Variants in BBS4 observed in about 807,000 individuals in gnomAD.
BBS4 encodes BBSome complex member BBS4.
Under a neutral mutation model 71.4 loss-of-function variants are expected in BBS4, and 58 were observed. The ratio of observed to expected loss-of-function variants is 0.81; its 90% confidence interval spans 0.66 to 1.01. The LOEUF is 1.01. Among genes scored for constraint, BBS4 ranks in the 50% least tolerant of loss-of-function variants. The probability of loss-of-function intolerance (pLI) is 0.00; values close to 1 mark genes in which losing one functional copy is unlikely to be tolerated. For missense variants in BBS4, 660 were observed against 607.9 expected (o/e 1.09, Z -0.90); for synonymous variants, 228 against 216.8 (o/e 1.05, Z -0.46).
Position 72,695,175 on chromosome 15 carries a change from A to G in BBS4, c.25-2A>G. 1 of 1,604,726 alleles carries G rather than the reference A, an allele frequency of 6.2e-7. No homozygotes were observed. The highest frequency in any genetic ancestry group is 8.5e-7 in the Non-Finnish European group (1 of 1,172,042). On this transcript the variant is annotated splice_acceptor_variant, in intron 1 of 15. Coordinates refer to ENST00000268057, the MANE Select transcript of BBS4 (RefSeq NM_033028.5). LOFTEE classifies it high-confidence loss of function. ...CAATATAGACTACTTATTTCATTTCAGAGAACTCAATTTCCTGTATCTACT... is the reference window on the plus strand; with the variant it reads ...CAATATAGACTACTTATTTCATTTCGGAGAACTCAATTTCCTGTATCTACT...
rs1180632451 is a variant in BBS4 at position 72,735,099 on chromosome 15, T to C, written c.1037-14T>C. On this transcript the variant is annotated splice_polypyrimidine_tract_variant and intron_variant, in intron 12 of 15. Coordinates refer to ENST00000268057, the MANE Select transcript of BBS4 (RefSeq NM_033028.5). Reference sequence around the variant, plus strand: ...AAGCTGAGCTCTCCAGCTGCAGTGCTTTCTTTGTTGCAGTGGCTCTGACCA... The same window carrying C: ...AAGCTGAGCTCTCCAGCTGCAGTGCCTTCTTTGTTGCAGTGGCTCTGACCA... 1 of 1,609,290 alleles carries C rather than the reference T, an allele frequency of 6.2e-7. No homozygotes were observed. Among genetic ancestry groups the C allele is most frequent in the Non-Finnish European group, 8.5e-7 (1 of 1,175,678 alleles).
intron 6 of BBS4, 107 bp downstream of exon 6, chr15:72,716,957 T>C: frequency 1.2e-6 from 1 of 821,740 alleles, no homozygotes; most frequent in Non-Finnish European, 2.0e-6. Context: ...AATGTCTTGA[T>C]TTTAACCTCA....
At chr15:72,703,280 A>G (rs1262089792) in intron 2 of BBS4, among the ~76,000 whole-genome samples, 2 of 152,142 alleles carry the variant, frequency 1.3e-5, no homozygotes, top group South Asian at 2.1e-4. Flanking sequence ...TTTTTTGCTC[A>G]TGCAGACTTC....
At chr15:72,706,763 A>G (rs7176235) in intron 2 of BBS4, among the ~76,000 whole-genome samples, 82,172 of 152,024 alleles carry the variant, frequency 0.54, 23,711 homozygotes, top group Middle Eastern at 0.68. Flanking sequence ...ACTTTCTGTT[A>G]TAATTTCTTC....
At chr15:72,718,706 C>T (rs1413522963) in intron 6 of BBS4, among the ~76,000 whole-genome samples, 2 of 152,114 alleles carry the variant, frequency 1.3e-5, no homozygotes, top group Admixed American at 6.5e-5. Flanking sequence ...CTGCTATATG[C>T]CAAGCACTGA....
At chr15:72,696,842 C>T (rs537090219) in intron 2 of BBS4, among the ~76,000 whole-genome samples, 54 of 152,228 alleles carry the variant, frequency 3.5e-4, no homozygotes, top group African/African-American at 1.2e-3. Flanking sequence ...ACTCCATCTT[C>T]GGCCTCCTGA....
At chr15:72,688,882 T>G (rs554623355) in intron 1 of BBS4, among the ~76,000 whole-genome samples, 95 of 152,326 alleles carry the variant, frequency 6.2e-4, no homozygotes, top group South Asian at 1.5e-3. Context: ...ACTTCAGATA[T>G]TTCCATACTG....
intron 8 of BBS4, among the ~76,000 whole-genome samples, chr15:72,725,051 T>TAGAGAGAG (rs1330297980): frequency 9.9e-6 from 1 of 101,180 alleles, no homozygotes; most frequent in South Asian, 4.0e-4. Context: ...TATATATATA[T>TAGAGAGAG]ATATATAGAG....
chr15:72,732,946 T>C (rs916651034), intron 12 of BBS4, among the ~76,000 whole-genome samples: 1 of 152,044 alleles, frequency 6.6e-6, no homozygotes, highest in Admixed American at 6.5e-5. Flanking sequence ...GGGCTGTCTC[T>C]AGGTGTCTGG....
chr15:72,700,819 C>T (rs2065156917), intron 2 of BBS4, among the ~76,000 whole-genome samples: 1 of 152,036 alleles, frequency 6.6e-6, no homozygotes, highest in Admixed American at 6.6e-5. Context: ...GTTATTAATG[C>T]CTTCTCTGTC....
chr15:72,688,276 T>G (rs548424513), intron 1 of BBS4, among the ~76,000 whole-genome samples: 1 of 152,186 alleles, frequency 6.6e-6, no homozygotes, highest in African/African-American at 2.4e-5. Flanking sequence ...ACTTAGCAAT[T>G]AAGCCTGAAG....
At chr15:72,712,761 T>C (rs1335270551) in intron 4 of BBS4, among the ~76,000 whole-genome samples, 2 of 152,358 alleles carry the variant, frequency 1.3e-5, no homozygotes, top group East Asian at 1.9e-4. Flanking sequence ...TAGGACATTA[T>C]TGTATACTAA....
intron 4 of BBS4, among the ~76,000 whole-genome samples, chr15:72,712,652 G>A (rs895379975): frequency 6.6e-6 from 1 of 152,052 alleles, no homozygotes; most frequent in Non-Finnish European, 1.5e-5. Flanking sequence ...GTAAAAATAT[G>A]GTATAAAAGA....
At chr15:72,730,577 G>GTGAGAC (rs57236679) in intron 10 of BBS4, among the ~76,000 whole-genome samples, 37 of 151,934 alleles carry the variant, frequency 2.4e-4, no homozygotes, top group Admixed American at 5.3e-4. Context: ...GGGTGACAGA[G>GTGAGAC]ACCCTGTCTC....
At chr15:72,702,682 T>C (rs1265906160) in intron 2 of BBS4, among the ~76,000 whole-genome samples, 1 of 152,078 alleles carries the variant, frequency 6.6e-6, no homozygotes, top group African/African-American at 2.4e-5. Flanking sequence ...TCTCTTCCTC[T>C]TCCTTCATCA....
chr15:72,691,929 C>T (rs908448857), intron 1 of BBS4, among the ~76,000 whole-genome samples: 2 of 141,752 alleles, frequency 1.4e-5, no homozygotes, highest in Non-Finnish European at 3.0e-5. Context: ...TGCCACTGCA[C>T]TTCAGCTTGG....
In BBS4 at chr15:72,710,195, G is replaced by GTTCTTTTTTTTTTTTTT. The variant is rs1239689474; in HGVS notation, c.156+418_156+419insCTTTTTTTTTTTTTTTT. On this transcript the variant is annotated intron_variant, in intron 3 of 15. Transcript: ENST00000268057. ...TAGATGAAAAATGGTATTTTGTCGA[G>GTTCTTTTTTTTTTTTTT]TTTTTTTTTTTTTTTTTTTTTTTTT... Among the ~76,000 whole-genome samples the GTTCTTTTTTTTTTTTTT allele has an allele frequency of 9.7e-5, 10 of 103,436 alleles. 2 individuals carry two copies. The highest frequency in any genetic ancestry group is 2.9e-4 in the African/African-American group (8 of 27,234). The allele number at this position is 103,436 out of a possible 152,430, so 67.9% of individuals were successfully genotyped here.
At chr15:72,728,563 G>A (rs942650312) in intron 9 of BBS4, among the ~76,000 whole-genome samples, 7 of 152,104 alleles carry the variant, frequency 4.6e-5, no homozygotes, top group Non-Finnish European at 1.5e-5. Context: ...TCTGGTCTTG[G>A]AGGCTGTTAT....
chr15:72,712,448 G>C, intron 4 of BBS4, 141 bp downstream of exon 4: 1 of 827,168 alleles, frequency 1.2e-6, no homozygotes, highest in Admixed American at 2.0e-5. Context: ...GAAATGTGTT[G>C]TTAGGCAATT....
Sources: gnomAD v4.1 joint callset for allele counts (sites outside exome capture counted in the v4.1 genomes callset) on GRCh38, gnomAD v4.1.1 for gene constraint, MANE v1.5 for transcripts, NCBI Gene and HGNC (gene_info 2026-07-23, HGNC 2026-07-21) for gene names.